ZNF831: variants seen among roughly 807,000 people sequenced by gnomAD.
The protein encoded by ZNF831 is chromosome 20 open reading frame 174.
In ZNF831, 59 loss-of-function variants were observed where a neutral mutation model predicts 95.8. That is an observed-to-expected ratio of 0.62 (90% CI 0.50 to 0.77). The LOEUF (loss-of-function observed/expected upper bound fraction) is 0.77, where lower values mean the gene tolerates loss of function less well. Among genes scored for constraint, ZNF831 ranks in the 30% least tolerant of loss-of-function variants. The pLI, the probability that ZNF831 is intolerant of heterozygous loss-of-function variation, is 0.00. For synonymous variants in ZNF831, 961 were observed against 925.5 expected (o/e 1.04, Z -0.70); for missense variants, 2,205 against 2,164.0 (o/e 1.02, Z -0.38).
intron 1 of ZNF831, among the ~76,000 whole-genome samples, chr20:59,124,160 T>A (rs999993181): frequency 6.6e-6 from 1 of 152,150 alleles, no homozygotes; most frequent in African/African-American, 2.4e-5. Context: ...ACTCTTCCTA[T>A]GGCCGTTTCT....
At chr20:59,190,065 A>G (rs1983384405) in intron 1 of ZNF831, among the ~76,000 whole-genome samples, 1 of 152,156 alleles carries the variant, frequency 6.6e-6, no homozygotes, top group African/African-American at 2.4e-5. Flanking sequence ...TCCCTCCCCT[A>G]GGATTTGCCA....
At chr20:59,213,710 T>C (rs371016743) in intron 4 of ZNF831, among the ~76,000 whole-genome samples, 25 of 152,244 alleles carry the variant, frequency 1.6e-4, no homozygotes, top group East Asian at 1.2e-3. Context: ...TTTCTGATTG[T>C]GCGTTGTGTC....
upstream of ZNF831, among the ~76,000 whole-genome samples, chr20:59,158,883 C>T (rs1361066986): frequency 6.6e-6 from 1 of 152,182 alleles, no homozygotes; most frequent in African/African-American, 2.4e-5. Context: ...GGGCATTTGT[C>T]ATGACTAAGA....
In ZNF831 at chr20:59,192,729, G is replaced by C; in HGVS notation, c.1710G>C (p.Leu570=). ...TCAGACAGGCCGCGGTGGAGGACCT[G>C]CCAGGCACCCCCATTGGCGATGCCC... The part of the protein sequence containing the change: ...ALVRQAAVED[L]PGTPIGDALV... Residue 570 remains leucine (L), a synonymous_variant, in exon 2 of 6, where the codon CTG becomes CTC. Transcript: ENST00000371030. The surrounding 1 kb of genome is among the most constrained non-coding windows in gnomAD (Gnocchi z 5.2). 1.2e-6 allele frequency: 2 copies of C among 1,609,118 alleles called. No homozygotes were observed. Among genetic ancestry groups the C allele is most frequent in the Non-Finnish European group, 8.5e-7 (1 of 1,178,464 alleles).
chr20:59,215,242 T>C (rs895529405), intron 4 of ZNF831, among the ~76,000 whole-genome samples: 5 of 152,194 alleles, frequency 3.3e-5, no homozygotes, highest in African/African-American at 1.2e-4. Context: ...GCTGGGCACA[T>C]TGGAAGTCGT....
intron 1 of ZNF831, among the ~76,000 whole-genome samples, chr20:59,166,274 TG>T (rs1981256027): frequency 6.6e-6 from 1 of 152,178 alleles, no homozygotes; most frequent in African/African-American, 2.4e-5. Flanking sequence ...AGATACACTA[TG>T]GATGCTGCAG....
At chr20:59,162,032 T>A (rs1332766843), upstream of ZNF831, among the ~76,000 whole-genome samples, 1 of 152,258 alleles carries the variant, frequency 6.6e-6, no homozygotes, top group Non-Finnish European at 1.5e-5. Context: ...TGAGCATTTT[T>A]AAAATATGCT....
chr20:59,252,916 G>A (rs1987968439), intron 4 of ZNF831, 62 bp from the exon 5 acceptor site: 1 of 1,539,980 alleles, frequency 6.5e-7, no homozygotes, highest in East Asian at 2.3e-5. Flanking sequence ...AACCTCCCAG[G>A]AAATTACTCT....
intron 1 of ZNF831, among the ~76,000 whole-genome samples, chr20:59,182,961 C>T (rs929937075): frequency 1.3e-5 from 2 of 152,198 alleles, no homozygotes; most frequent in African/African-American, 4.8e-5. Flanking sequence ...TCTCTGGGAA[C>T]ATTCACCTGC....
At chr20:59,238,887 C>T (rs1224752291) in intron 4 of ZNF831, among the ~76,000 whole-genome samples, 2 of 152,170 alleles carry the variant, frequency 1.3e-5, no homozygotes, top group Non-Finnish European at 2.9e-5. Context: ...GCATACTTGA[C>T]AGTCACACAC....
chr20:59,168,090 A>G (rs1167983558), intron 1 of ZNF831, among the ~76,000 whole-genome samples: 1 of 152,178 alleles, frequency 6.6e-6, no homozygotes, highest in African/African-American at 2.4e-5. Context: ...GCCTTTCTAT[A>G]TAAATTTTAG....
chr20:59,138,702 C>T (rs1170008400), intron 1 of ZNF831, among the ~76,000 whole-genome samples: 2 of 152,212 alleles, frequency 1.3e-5, no homozygotes, highest in Non-Finnish European at 2.9e-5. Context: ...TTTTCTTTTC[C>T]TTTGCCATGG....
chr20:59,225,825 TAGAA>T (rs1248430796), intron 4 of ZNF831, among the ~76,000 whole-genome samples: 4 of 152,188 alleles, frequency 2.6e-5, no homozygotes, highest in Non-Finnish European at 5.9e-5. Context: ...CCATTCTTGG[TAGAA>T]AGAGACTAAA....
At chr20:59,200,197 C>G (rs1029912385) in intron 3 of ZNF831, among the ~76,000 whole-genome samples, 2 of 152,064 alleles carry the variant, frequency 1.3e-5, no homozygotes, top group African/African-American at 4.8e-5. Flanking sequence ...TTTATTTGTT[C>G]CATTAGGAAT....
At position 59,239,065 on chromosome 20, in the gene ZNF831, T is replaced by C. The variant is rs557110169; in HGVS notation, c.4028-13913T>C. On this transcript the variant is annotated intron_variant, in intron 4 of 5. Coordinates refer to ENST00000371030, the MANE Select transcript of ZNF831 (RefSeq NM_178457.3). ...AGAAGTTGAAGACTCCATGAAGTGA[T>C]AGAAAGCATGTAGATATGACAATTA... Among the ~76,000 whole-genome samples the C allele has an allele frequency of 3.7e-4, 57 of 152,350 alleles. 1 individual carries two copies. In the South Asian group the frequency reaches 9.1e-3, roughly 24 times the overall value.
rs1396300511 is a variant in ZNF831, at chr20:59,194,277, G to A, written c.3258G>A (p.Arg1086=). The A allele has an allele frequency of 1.2e-6, 2 of 1,613,914 alleles. No homozygotes were observed. The highest frequency in any genetic ancestry group is 1.7e-6 in the Non-Finnish European group (2 of 1,180,018). ...TCTGCATGGGCAGCACTTTGGCAAG[G>A]GCCAGGCTCTCTGGGGATGTCCTGA... ...HRLCMGSTLA[R]ARLSGDVLNP... is the part of the protein sequence containing the mutation. The change falls in exon 2 of 6, where the codon AGG becomes AGA. Residue 1086 remains arginine (R), a synonymous_variant. Transcript: ENST00000371030.
At chr20:59,218,622 GT>G (rs1280678409) in intron 4 of ZNF831, among the ~76,000 whole-genome samples, 1 of 150,974 alleles carries the variant, frequency 6.6e-6, no homozygotes, top group Non-Finnish European at 1.5e-5. Flanking sequence ...ATATAACTGA[GT>G]CCCTAAACTC....
intron 4 of ZNF831, among the ~76,000 whole-genome samples, chr20:59,243,153 T>C (rs530220743): frequency 5.3e-5 from 8 of 152,356 alleles, no homozygotes; most frequent in Non-Finnish European, 1.0e-4. Flanking sequence ...TCCCTCTTAA[T>C]GGAATCTTTT....
At position 59,192,371 on chromosome 20, in the gene ZNF831, CCTT is replaced by C. The variant is rs772297963; in HGVS notation, c.1354_1356del (p.Phe452del). 1 of 1,612,064 alleles carries C rather than the reference CCTT, an allele frequency of 6.2e-7. No individual in the cohort carries two copies. Among genetic ancestry groups the C allele is most frequent in the East Asian group, 2.2e-5 (1 of 44,872 alleles). On this transcript the variant is annotated inframe_deletion, in exon 2 of 6. Transcript: ENST00000371030. The surrounding 1 kb of genome is among the most constrained non-coding windows in gnomAD (Gnocchi z 5.2). ...CCCACGCCCTACACCTACAAGGACT[CCTT>C]CCACTTTGACATCCGCGCGCTGGAG...
Sources: allele counts gnomAD v4.1 joint callset (sites outside exome capture counted in the v4.1 genomes callset), GRCh38; gene constraint gnomAD v4.1.1; non-coding constraint Gnocchi (gnomAD v3.1); transcripts MANE v1.5; gene names NCBI Gene and HGNC (gene_info 2026-07-23, HGNC 2026-07-21).